CUL9: variants seen among roughly 807,000 people sequenced by gnomAD.
CUL9 encodes the protein cullin-9.
In CUL9, 79 loss-of-function variants were observed where a neutral mutation model predicts 272.6. That is an observed-to-expected ratio of 0.29 (90% CI 0.24 to 0.35). The LOEUF is 0.35. CUL9 is among the 10% of genes least tolerant of loss of function. CUL9 has a pLI of 1.00. For synonymous variants in CUL9, 1,186 were observed against 1,286.5 expected (o/e 0.92, Z 1.67); for missense variants, 2,532 against 3,255.6 (o/e 0.78, Z 5.41).
In CUL9 at chr6:43,224,006, G is replaced by A; in HGVS notation, c.7285-89G>A. 2 of 1,271,838 alleles carry A rather than the reference G, an allele frequency of 1.6e-6. No individual in the cohort carries two copies. The highest frequency in any genetic ancestry group is 2.3e-6 in the Non-Finnish European group (2 of 870,078). 78.8% of individuals were successfully genotyped at this position (1,271,838 alleles called of 1,614,324 possible). On this transcript the variant is annotated intron_variant, in intron 39 of 40. Transcript: ENST00000252050. This position sits in a 1 kb window ranked among gnomAD's most constrained non-coding sequence, Gnocchi z 4.2. The stretch of plus-strand genomic sequence containing the variant: ...GGGGAGCAGTCCTAGCAGGAGCTTG[G>A]CCCTCCCAGAGCATCAGTGGAAGGA...
At position 43,219,901 on chromosome 6, in the gene CUL9, A is replaced by G. The variant is rs147141784; in HGVS notation, c.6283-558A>G. ...GCAAGAGAACGATATGAAAGTTCCA[A>G]CACTGGTGACGAGGGGGACAGTGGT... is the stretch of plus-strand genomic sequence containing the variant. On this transcript the variant is annotated intron_variant, in intron 31 of 40. Transcript: ENST00000252050. Among the ~76,000 whole-genome samples, 8 of 152,238 alleles carry G rather than the reference A, an allele frequency of 5.3e-5. No homozygotes were observed. The East Asian group carries it at 1.5e-3, about 29-fold the overall frequency.
intron 26 of CUL9, among the ~76,000 whole-genome samples, chr6:43,211,015 CATT>C (rs1278850649): frequency 6.6e-6 from 1 of 152,184 alleles, no homozygotes; most frequent in Non-Finnish European, 1.5e-5. Flanking sequence ...TAACCTGCAT[CATT>C]GATTGGCTAA....
In CUL9 at chr6:43,184,869, G is replaced by T. The variant is rs1174568849; in HGVS notation, c.559G>T (p.Gly187Cys). 6.2e-7 allele frequency: 1 copy of T among 1,601,556 alleles called. No individual in the cohort carries two copies. Among genetic ancestry groups the T allele is most frequent in the Admixed American group, 1.7e-5 (1 of 59,962 alleles). Residue 187 changes from glycine (G) to cysteine (C), a missense_variant, in exon 2 of 41, where the codon GGC becomes TGC. Coordinates refer to ENST00000252050, the MANE Select transcript of CUL9 (RefSeq NM_015089.4). The surrounding 1 kb of genome is among the most constrained non-coding windows in gnomAD (Gnocchi z 4.8). ...TGAGCCTCAGATCCGCCGGAGTGCA[G>T]GCAAAATGCTGCAGGCTCTGGCAGC... Reference protein sequence around the residue: ...NPEPQIRRSAGKMLQALAAHD... With the variant: ...NPEPQIRRSACKMLQALAAHD...
rs6917902 is a variant in CUL9, at chr6:43,221,202, C to T, written c.6633C>T (p.Asp2211=). 0.17 allele frequency: 271,386 copies of T among 1,610,922 alleles called. 27,164 individuals are homozygous for T. The highest frequency in any genetic ancestry group is 0.47 in the African/African-American group (35,011 of 74,822). The change falls in exon 34 of 41, where the codon GAC becomes GAT. Residue 2211 remains aspartate, a synonymous_variant. Coordinates refer to ENST00000252050, the MANE Select transcript of CUL9 (RefSeq NM_015089.4). The surrounding 1 kb of genome is among the most constrained non-coding windows in gnomAD (Gnocchi z 4.2). ...GTGGCCATATGTCTCAGTGGGTCGACGACGGTGGCTACTATGACGGCATGA... is the reference window on the plus strand; with the variant it reads ...GTGGCCATATGTCTCAGTGGGTCGATGACGGTGGCTACTATGACGGCATGA... The part of the protein sequence containing the change: ...ASCGHMSQWV[D]DGGYYDGMSV...
rs373698034 is a variant in CUL9, at chr6:43,193,125, G to T, written c.2305G>T (p.Ala769Ser). Residue 769 changes from alanine to serine, a missense_variant, in exon 9 of 41, where the codon GCC becomes TCC. Around this residue, in one of 3 missense-constraint regions of CUL9, gnomAD observed 2,218 missense variants for 2,788.6 expected, o/e 0.80. Coordinates refer to ENST00000252050, the MANE Select transcript of CUL9 (RefSeq NM_015089.4). ...CAAGCACGAGTGGCGGCCGCTCTTT[G>T]CCAGGGAGGGTGGCATCTATGCTGT... ...MTKHEWRPLF[A>S]REGGIYAVLV... 2 of 1,614,102 alleles carry T rather than the reference G, an allele frequency of 1.2e-6. No individual in the cohort carries two copies. Among genetic ancestry groups the T allele is most frequent in the Non-Finnish European group, 1.7e-6 (2 of 1,180,040 alleles).
chr6:43,185,011 G>T, intron 2 of CUL9, 106 bp downstream of exon 2: 1 of 888,200 alleles, frequency 1.1e-6, no homozygotes, highest in African/African-American at 1.7e-5. Context: ...AGTATTTGGT[G>T]AATATCAATT....
intron 16 of CUL9, among the ~76,000 whole-genome samples, chr6:43,201,700 C>T (rs763987412): frequency 2.0e-5 from 3 of 152,170 alleles, no homozygotes; most frequent in South Asian, 2.1e-4. Flanking sequence ...AGGATGGTCT[C>T]GATCTCCTGA....
At chr6:43,210,189 G>A (rs752060585) in intron 26 of CUL9, among the ~76,000 whole-genome samples, 49 of 152,168 alleles carry the variant, frequency 3.2e-4, no homozygotes, top group Non-Finnish European at 4.0e-4. Flanking sequence ...ATGTTGGCCA[G>A]TCTGGTCTCG....
At chr6:43,188,411 G>A in intron 7 of CUL9, 112 bp from the exon 8 acceptor site, 1 of 1,084,806 alleles carries the variant, frequency 9.2e-7, no homozygotes, top group Non-Finnish European at 1.3e-6. Context: ...GCAAGCTGCA[G>A]TAGCCGATAA....
chr6:43,209,343 G>A (rs1264188104), intron 26 of CUL9, among the ~76,000 whole-genome samples: 1 of 150,870 alleles, frequency 6.6e-6, no homozygotes, highest in Non-Finnish European at 1.5e-5. Flanking sequence ...TAGAGACAGG[G>A]TTTCACCATG....
rs1772696130 is a variant in CUL9 at position 43,184,060 on chromosome 6, A to G, written c.-9-242A>G. Among the ~76,000 whole-genome samples, 1 of 151,908 alleles carries G rather than the reference A, an allele frequency of 6.6e-6. No homozygotes were observed. On this transcript the variant is annotated intron_variant, in intron 1 of 40. Coordinates refer to ENST00000252050, the MANE Select transcript of CUL9 (RefSeq NM_015089.4). The surrounding 1 kb of genome is among the most constrained non-coding windows in gnomAD (Gnocchi z 4.8). The stretch of plus-strand genomic sequence containing the variant: ...GCCACTGGGCGCAGCCAACTCTTCC[A>G]TTTCTTAAACCCCTTCTTCATCCCC...
chr6:43,219,129 C>T (rs1249376763), intron 31 of CUL9, among the ~76,000 whole-genome samples: 7 of 151,988 alleles, frequency 4.6e-5, no homozygotes, highest in Non-Finnish European at 1.0e-4. Flanking sequence ...ATTGAGGCTG[C>T]GGTGAACCAT....
intron 26 of CUL9, chr6:43,212,918 C>G (rs996916696): frequency 6.2e-6 from 3 of 486,244 alleles, no homozygotes; most frequent in Non-Finnish European, 7.3e-6. Flanking sequence ...CTGCCTGGCT[C>G]AGGGCTAGGC....
intron 26 of CUL9, among the ~76,000 whole-genome samples, chr6:43,207,525 G>T (rs973594030): frequency 1.3e-5 from 2 of 152,036 alleles, no homozygotes; most frequent in African/African-American, 2.4e-5. Flanking sequence ...TACCCTTTCT[G>T]CTGTTTATGG....
intron 6 of CUL9, 70 bp from the exon 7 acceptor site, chr6:43,187,643 C>G: frequency 6.6e-7 from 1 of 1,523,936 alleles, no homozygotes; most frequent in Non-Finnish European, 9.0e-7. Context: ...GAGTGATCAC[C>G]CTTCCCATTA....
In CUL9 at chr6:43,216,237, A is replaced by G. The variant is rs1463271591; in HGVS notation, c.6016A>G (p.Met2006Val). The change falls in exon 31 of 41, where the codon ATG (methionine) becomes GTG (valine). Residue 2006 changes from methionine to valine, a missense_variant. Coordinates refer to ENST00000252050, the MANE Select transcript of CUL9 (RefSeq NM_015089.4). ...TMSPQEVEGL[M>V]KQTVRQVQET... is the part of the protein sequence containing the mutation. ...GAGCCCCCAGGAAGTAGAAGGGTTG[A>G]TGAAGCAGACGGTGCGTCAGGTGCA... is the stretch of plus-strand genomic sequence containing the variant. 1.2e-6 allele frequency: 2 copies of G among 1,613,850 alleles called. No homozygotes were observed. The highest frequency in any genetic ancestry group is 1.7e-6 in the Non-Finnish European group (2 of 1,179,816).
In CUL9 at chr6:43,213,225, G is replaced by A; in HGVS notation, c.5289G>A (p.Gln1763=). ...CGTGGCTGGGCCGGGCTGAGCTGCA[G>A]TTTGGGAAGCAGATACTGCATGTGT... ...QWTWLGRAEL[Q]FGKQILHVST... Residue 1763 remains glutamine (Q), a synonymous_variant, in exon 27 of 41, where the codon CAG becomes CAA. Transcript: ENST00000252050. This position sits in a 1 kb window ranked among gnomAD's most constrained non-coding sequence, Gnocchi z 5.7. The A allele has an allele frequency of 6.2e-7, 1 of 1,614,188 alleles. No homozygotes were observed. The highest frequency in any genetic ancestry group is 8.5e-7 in the Non-Finnish European group (1 of 1,180,038).
At chr6:43,194,597 G>A (rs538029640) in intron 9 of CUL9, among the ~76,000 whole-genome samples, 14 of 152,028 alleles carry the variant, frequency 9.2e-5, no homozygotes, top group African/African-American at 3.1e-4. Context: ...GGGATTACAG[G>A]TGTGAGCCAT....
intron 37 of CUL9, 51 bp downstream of exon 37, chr6:43,222,692 TG>T: frequency 6.2e-7 from 1 of 1,605,186 alleles, no homozygotes. Context: ...CAAATGGGTC[TG>T]GGGGGCTTGG....
Sources: allele counts gnomAD v4.1 joint callset (sites outside exome capture counted in the v4.1 genomes callset), GRCh38; gene constraint gnomAD v4.1.1; regional missense constraint gnomAD v4.1.1; non-coding constraint Gnocchi (gnomAD v3.1); transcripts MANE v1.5; gene names NCBI Gene and HGNC (gene_info 2026-07-23, HGNC 2026-07-21).